SDC1: variants seen among roughly 807,000 people sequenced by gnomAD.
The protein encoded by SDC1 is syndecan-1.
Under a neutral mutation model 29.7 loss-of-function variants are expected in SDC1, and 14 were observed. That is an observed-to-expected ratio of 0.47 (90% CI 0.31 to 0.74). The LOEUF (loss-of-function observed/expected upper bound fraction) is 0.74. Among genes scored for constraint, SDC1 ranks in the 30% least tolerant of loss-of-function variants. The probability of loss-of-function intolerance (pLI) is 0.05; values close to 1 mark genes in which losing one functional copy is unlikely to be tolerated. For missense variants in SDC1, 406 were observed against 400.3 expected (o/e 1.01, Z -0.12); for synonymous variants, 204 against 175.5 (o/e 1.16, Z -1.29).
At chr2:20,223,629 A>T (rs1350943631) in intron 1 of SDC1, among the ~76,000 whole-genome samples, 2 of 152,102 alleles carry the variant, frequency 1.3e-5, no homozygotes, top group Admixed American at 6.5e-5. Flanking sequence ...CTCGGGCGGC[A>T]GACTCGGGCA....
At chr2:20,222,854 C>T (rs1677863780) in intron 1 of SDC1, among the ~76,000 whole-genome samples, 1 of 152,212 alleles carries the variant, frequency 6.6e-6, no homozygotes, top group Non-Finnish European at 1.5e-5. Flanking sequence ...CCTCCTAAAT[C>T]CAGCCGGAAA....
chr2:20,208,067 T>G, intron 1 of SDC1: 1 of 985,396 alleles, frequency 1.0e-6, no homozygotes. Context: ...TGCTGCATTG[T>G]AGAGTGCCGA....
chr2:20,205,279 AC>A, intron 2 of SDC1, 63 bp downstream of exon 2: 1 of 1,229,168 alleles, frequency 8.1e-7, no homozygotes, highest in Non-Finnish European at 1.2e-6. Flanking sequence ...AGACTGCCTG[AC>A]CACTGCCCAC....
At chr2:20,207,912 C>T in intron 1 of SDC1, 1 of 980,520 alleles carries the variant, frequency 1.0e-6, no homozygotes, top group Middle Eastern at 5.2e-4. Flanking sequence ...AGTGGGCACC[C>T]CCACCCATAC....
intron 1 of SDC1, among the ~76,000 whole-genome samples, chr2:20,209,305 A>G (rs2148287332): frequency 6.6e-6 from 1 of 152,284 alleles, no homozygotes; most frequent in East Asian, 1.9e-4. Flanking sequence ...GAGACTCTGA[A>G]AGGTGAGGGA....
In SDC1 at chr2:20,204,267, G is replaced by A. The variant is rs573443859; in HGVS notation, c.173C>T (p.Ser58Leu). 1 of 1,564,406 alleles carries A rather than the reference G, an allele frequency of 6.4e-7. No individual in the cohort carries two copies. The highest frequency in any genetic ancestry group is 8.6e-7 in the Non-Finnish European group (1 of 1,159,444). Residue 58 changes from serine to leucine, a missense_variant, in exon 3 of 5, where the codon TCA (serine) becomes TTA (leucine). Transcript: ENST00000254351. ...GAGALQDITLSQQTPSTWKDT... is the reference protein window; with the variant it reads ...GAGALQDITLLQQTPSTWKDT... ...CTTCCAAGTGGAGGGGGTCTGCTGTGACAAGGTGATATCTTGCAAAGCACC... is the reference window on the plus strand; with the variant it reads ...CTTCCAAGTGGAGGGGGTCTGCTGTAACAAGGTGATATCTTGCAAAGCACC...
At chr2:20,210,598 G>A (rs946090256) in intron 1 of SDC1, among the ~76,000 whole-genome samples, 1 of 152,238 alleles carries the variant, frequency 6.6e-6, no homozygotes, top group Non-Finnish European at 1.5e-5. Context: ...TGATCTGTCA[G>A]CTGTACCTGC....
At chr2:20,209,528 G>C (rs1345150586) in intron 1 of SDC1, among the ~76,000 whole-genome samples, 2 of 152,238 alleles carry the variant, frequency 1.3e-5, no homozygotes, top group Non-Finnish European at 2.9e-5. Context: ...GCCCACATTT[G>C]AGAGGTGGAG....
intron 1 of SDC1, among the ~76,000 whole-genome samples, chr2:20,209,079 T>C (rs1277751908): frequency 2.6e-5 from 4 of 152,056 alleles, no homozygotes; most frequent in Admixed American, 2.6e-4. Flanking sequence ...GGTCAGCCCA[T>C]CTCCATCTCA....
chr2:20,202,633 G>A lies in SDC1; in HGVS notation c.*133C>T. 4.6e-6 allele frequency: 4 copies of A among 874,576 alleles called. No homozygotes were observed. The highest frequency in any genetic ancestry group is 7.2e-6 in the Non-Finnish European group (4 of 558,666). The allele number at this position is 874,576 out of a possible 1,614,324, so 54.2% of individuals were successfully genotyped here. A position where few individuals can be genotyped will look rare whatever the true frequency, so the allele number is the denominator to read the frequency against. ...AGCACACCCCACGACTCCGTGGGCA[G>A]GAGCGACCAGAGGGGCTGGAATGCT... On this transcript the variant is annotated 3_prime_UTR_variant, in exon 5 of 5. Coordinates refer to ENST00000254351, the MANE Select transcript of SDC1 (RefSeq NM_002997.5).
Position 20,202,243 on chromosome 2 carries a change from G to GAAAC in SDC1, c.*519_*522dup. 1 of 778,344 alleles carries GAAAC rather than the reference G, an allele frequency of 1.3e-6. No individual in the cohort carries two copies. Among genetic ancestry groups the GAAAC allele is most frequent in the South Asian group, 1.3e-5 (1 of 74,216 alleles). The allele number at this position is 778,344 out of a possible 1,614,324, so 48.2% of individuals were successfully genotyped here. A position where few individuals can be genotyped will look rare whatever the true frequency, so the allele number is the denominator to read the frequency against. On this transcript the variant is annotated 3_prime_UTR_variant, in exon 5 of 5. Transcript: ENST00000254351. ...CTGGGCTATGAACAAAGAACTAGAG[G>GAAAC]AAACATGTGCAAAAACAAGTCGATA...
rs918986939 is a variant in SDC1, at chr2:20,225,022, C to G, written c.-155G>C. 2.1e-4 allele frequency: 198 copies of G among 929,498 alleles called. 2 individuals carry two copies. The East Asian group carries it at 7.6e-3, about 35-fold the overall frequency. The allele number at this position is 929,498 out of a possible 1,614,324, so 57.6% of individuals were successfully genotyped here. A position where few individuals can be genotyped will look rare whatever the true frequency, so the allele number is the denominator to read the frequency against. Reference sequence around the variant, plus strand: ...CAGGGTCCGCCGGCTGGAGTCCGCTCTCTACTGCCGGATTCCTCTCCGCTC... The same window carrying G: ...CAGGGTCCGCCGGCTGGAGTCCGCTGTCTACTGCCGGATTCCTCTCCGCTC... On this transcript the variant is annotated 5_prime_UTR_variant, in exon 1 of 5. Transcript: ENST00000254351.
chr2:20,215,170 C>T (rs3771237), intron 1 of SDC1, among the ~76,000 whole-genome samples: 37 of 152,368 alleles, frequency 2.4e-4, no homozygotes, highest in Non-Finnish European at 4.6e-4. Flanking sequence ...CATAGAAAAC[C>T]CAGCTCCTTC....
intron 1 of SDC1, among the ~76,000 whole-genome samples, chr2:20,222,133 C>T (rs1677842256): frequency 1.3e-5 from 2 of 152,032 alleles, no homozygotes; most frequent in South Asian, 4.2e-4. Context: ...AGAGAGAAAC[C>T]TTTTTAGACA....
At chr2:20,219,516 T>A (rs183661240) in intron 1 of SDC1, among the ~76,000 whole-genome samples, 1 of 152,092 alleles carries the variant, frequency 6.6e-6, no homozygotes, top group East Asian at 1.9e-4. Context: ...CAAACATACC[T>A]CCTTGTGGTG....
In SDC1 at chr2:20,224,072, G is replaced by A; in HGVS notation, c.66+730C>T. ...CTGCGCCTCGGCCGTGCCCGGCACG[G>A]GAACGCGCCCTCCGGGGCCAGCTCA... On this transcript the variant is annotated intron_variant, in intron 1 of 4. Coordinates refer to ENST00000254351, the MANE Select transcript of SDC1 (RefSeq NM_002997.5). This position sits in a 1 kb window ranked among gnomAD's most constrained non-coding sequence, Gnocchi z 4.9. The A allele has an allele frequency of 6.4e-6, 2 of 313,436 alleles. No individual in the cohort carries two copies. The highest frequency in any genetic ancestry group is 4.3e-5 in the South Asian group (2 of 46,678). The allele number at this position is 313,436 out of a possible 1,614,324, so 19.4% of individuals were successfully genotyped here.
chr2:20,225,027 C>T lies in SDC1; in HGVS notation c.-160G>A. The T allele has an allele frequency of 1.1e-6, 1 of 881,012 alleles. No homozygotes were observed. The highest frequency in any genetic ancestry group is 1.5e-6 in the Non-Finnish European group (1 of 685,962). The allele number at this position is 881,012 out of a possible 1,614,324, so 54.6% of individuals were successfully genotyped here. A position where few individuals can be genotyped will look rare whatever the true frequency, so the allele number is the denominator to read the frequency against. The stretch of plus-strand genomic sequence containing the variant: ...TCCGCCGGCTGGAGTCCGCTCTCTA[C>T]TGCCGGATTCCTCTCCGCTCGGCTC... On this transcript the variant is annotated 5_prime_UTR_variant, in exon 1 of 5. Transcript: ENST00000254351.
Position 20,224,327 on chromosome 2 carries a change from G to T in SDC1, c.66+475C>A. ...GCCGCGCTGCGCCCAAACTTGCCCT[G>T]GCGCAAGGGGCGGGGCGCCCGGGCT... is the stretch of plus-strand genomic sequence containing the variant. On this transcript the variant is annotated intron_variant, in intron 1 of 4. Transcript: ENST00000254351. This position sits in a 1 kb window ranked among gnomAD's most constrained non-coding sequence, Gnocchi z 4.9. 1 of 155,030 alleles carries T rather than the reference G, an allele frequency of 6.5e-6. No individual in the cohort carries two copies. Among genetic ancestry groups the T allele is most frequent in the Non-Finnish European group, 1.4e-5 (1 of 71,052 alleles). 9.6% of individuals were successfully genotyped at this position (155,030 alleles called of 1,614,324 possible).
chr2:20,213,864 C>T (rs540152582), intron 1 of SDC1, among the ~76,000 whole-genome samples: 50 of 152,358 alleles, frequency 3.3e-4, no homozygotes, highest in Admixed American at 2.8e-3. Flanking sequence ...CACCTGCAGC[C>T]GGCCAGGGCT....
Sources: gnomAD v4.1 joint callset for allele counts (sites outside exome capture counted in the v4.1 genomes callset) on GRCh38, gnomAD v4.1.1 for gene constraint, Gnocchi (gnomAD v3.1) non-coding constraint, MANE v1.5 for transcripts, NCBI Gene and HGNC (gene_info 2026-07-23, HGNC 2026-07-21) for gene names.